UBL3: variants seen among roughly 807,000 people sequenced by gnomAD.
UBL3 encodes ubiquitin like 3, also known as ubiquitin-like protein 3.
A neutral mutation model predicts 18.4 loss-of-function variants in UBL3; 6 were observed. The observed-to-expected ratio is 0.33, with a 90% CI of 0.18 to 0.64. The LOEUF (loss-of-function observed/expected upper bound fraction) is 0.64, where lower values mean the gene tolerates loss of function less well. Ranked by LOEUF, UBL3 falls within the 30% of genes least tolerant of loss-of-function variation. The pLI, the probability that UBL3 is intolerant of heterozygous loss-of-function variation, is 0.76. For missense variants in UBL3, 109 were observed against 142.9 expected (o/e 0.76, Z 1.21); for synonymous variants, 49 against 46.6 (o/e 1.05, Z -0.21).
At chr13:29,768,388 G>T (rs1876747343) in intron 3 of UBL3, among the ~76,000 whole-genome samples, 1 of 151,928 alleles carries the variant, frequency 6.6e-6, no homozygotes, top group East Asian at 1.9e-4. Context: ...AAATCCCTTT[G>T]TTACTCTGTG....
intron 1 of UBL3, among the ~76,000 whole-genome samples, chr13:29,822,082 G>A (rs1878468751): frequency 6.6e-6 from 1 of 152,030 alleles, no homozygotes; most frequent in Admixed American, 6.5e-5. Context: ...TATATGGTAG[G>A]GAAACTATCT....
intron 1 of UBL3, among the ~76,000 whole-genome samples, chr13:29,846,338 T>C (rs993894661): frequency 4.6e-5 from 7 of 152,132 alleles, no homozygotes; most frequent in Admixed American, 4.6e-4. Flanking sequence ...ACACTTGTAA[T>C]ATTTATAGGA....
Position 29,766,154 on chromosome 13 carries a change from C to T in UBL3, c.*1101G>A, listed in dbSNP as rs1876673850. On this transcript the variant is annotated 3_prime_UTR_variant, in exon 5 of 5. Transcript: ENST00000380680. Reference sequence around the variant, plus strand: ...TTAGTGCTGTGCAAATTGTTTTTAGCATATCAATCTTTAAATTATTGGTAT... The same window carrying T: ...TTAGTGCTGTGCAAATTGTTTTTAGTATATCAATCTTTAAATTATTGGTAT... 1 of 152,456 alleles carries T rather than the reference C, an allele frequency of 6.6e-6. No homozygotes were observed. 9.4% of individuals were successfully genotyped at this position (152,456 alleles called of 1,614,324 possible).
chr13:29,796,146 G>A (rs2139328533), intron 1 of UBL3, among the ~76,000 whole-genome samples: 1 of 152,212 alleles, frequency 6.6e-6, no homozygotes, highest in East Asian at 1.9e-4. Flanking sequence ...TTGCTAAAAG[G>A]CTGAAGATGA....
At chr13:29,789,181 G>T (rs1212807957) in intron 1 of UBL3, among the ~76,000 whole-genome samples, 1 of 152,154 alleles carries the variant, frequency 6.6e-6, no homozygotes, top group Non-Finnish European at 1.5e-5. Context: ...TTACAGGTGT[G>T]AGCCACCACG....
intron 1 of UBL3, among the ~76,000 whole-genome samples, chr13:29,802,318 C>T (rs550141852): frequency 1.3e-5 from 2 of 152,332 alleles, no homozygotes; most frequent in African/African-American, 2.4e-5. Flanking sequence ...AAGAAGTTAA[C>T]TGACTGTACT....
intron 1 of UBL3, among the ~76,000 whole-genome samples, chr13:29,839,499 C>G (rs939396022): frequency 4.6e-5 from 7 of 152,118 alleles, no homozygotes; most frequent in African/African-American, 1.7e-4. Flanking sequence ...AAAAACCCCA[C>G]AAAGGAGCCA....
chr13:29,799,923 T>G (rs12868469), intron 1 of UBL3, among the ~76,000 whole-genome samples: 6,899 of 152,206 alleles, frequency 0.045, 224 homozygotes, highest in Middle Eastern at 0.086. Context: ...AGGACAAAAT[T>G]TGTCACATTG....
chr13:29,821,521 A>T (rs1330203154), intron 1 of UBL3, among the ~76,000 whole-genome samples: 3 of 152,206 alleles, frequency 2.0e-5, no homozygotes, highest in Admixed American at 2.0e-4. Flanking sequence ...CTAAAGTAAG[A>T]TCGGGCTACT....
intron 1 of UBL3, among the ~76,000 whole-genome samples, chr13:29,844,207 C>G (rs546970454): frequency 6.6e-6 from 1 of 152,224 alleles, no homozygotes; most frequent in East Asian, 1.9e-4. Flanking sequence ...GCAGGTGGAC[C>G]TAGGAGAACC....
At chr13:29,809,770 G>A (rs1435100321) in intron 1 of UBL3, among the ~76,000 whole-genome samples, 1 of 152,020 alleles carries the variant, frequency 6.6e-6, no homozygotes, top group Non-Finnish European at 1.5e-5. Flanking sequence ...TCTGACCCCC[G>A]CCCACAGATA....
intron 1 of UBL3, among the ~76,000 whole-genome samples, chr13:29,835,142 ATATATATATAT>A (rs1566001106): frequency 7.3e-4 from 9 of 12,320 alleles, no homozygotes; most frequent in South Asian, 2.8e-3. Context: ...ATATATATAT[ATATATATATAT>A]ATATATATAT....
At chr13:29,781,820 C>T (rs1215626471) in intron 1 of UBL3, among the ~76,000 whole-genome samples, 1 of 52,122 alleles carries the variant, frequency 1.9e-5, no homozygotes, top group Non-Finnish European at 3.6e-5. Flanking sequence ...CCTGTCTCTA[C>T]AAAAAATTAA....
chr13:29,828,048 A>C (rs1472336496), intron 1 of UBL3, among the ~76,000 whole-genome samples: 2 of 152,122 alleles, frequency 1.3e-5, no homozygotes, highest in East Asian at 1.9e-4. Context: ...CCAAGAGATC[A>C]GCTGTTAGTC....
intron 1 of UBL3, among the ~76,000 whole-genome samples, chr13:29,844,008 A>G (rs374068954): frequency 6.6e-6 from 1 of 152,238 alleles, no homozygotes; most frequent in African/African-American, 2.4e-5. Context: ...ATGCTTTGAC[A>G]GCAAACCTCT....
chr13:29,829,189 T>C (rs2139357094), intron 1 of UBL3, among the ~76,000 whole-genome samples: 1 of 152,302 alleles, frequency 6.6e-6, no homozygotes, highest in East Asian at 1.9e-4. Flanking sequence ...AACTCCGTGC[T>C]GGGAGAACCA....
intron 2 of UBL3, among the ~76,000 whole-genome samples, chr13:29,773,364 C>T (rs1164605737): frequency 6.6e-6 from 1 of 152,076 alleles, no homozygotes; most frequent in Admixed American, 6.6e-5. Flanking sequence ...GCTTTGTTGC[C>T]TTCTGATCCC....
At chr13:29,824,455 GC>G (rs1479770192) in intron 1 of UBL3, among the ~76,000 whole-genome samples, 2 of 152,154 alleles carry the variant, frequency 1.3e-5, no homozygotes, top group Non-Finnish European at 2.9e-5. Context: ...TTCTCTGATG[GC>G]CAGTGATGAT....
At chr13:29,815,528 G>C (rs1317727427) in intron 1 of UBL3, among the ~76,000 whole-genome samples, 1 of 152,112 alleles carries the variant, frequency 6.6e-6, no homozygotes, top group Non-Finnish European at 1.5e-5. Flanking sequence ...ATAACCCACA[G>C]CTAAACTAAA....
Sources: allele counts gnomAD v4.1 joint callset (sites outside exome capture counted in the v4.1 genomes callset), GRCh38; gene constraint gnomAD v4.1.1; transcripts MANE v1.5; gene names NCBI Gene and HGNC (gene_info 2026-07-23, HGNC 2026-07-21).